ADGRV1: variants seen among roughly 807,000 people sequenced by gnomAD.
ADGRV1 encodes adhesion G protein-coupled receptor V1.
Under a neutral mutation model 596.2 loss-of-function variants are expected in ADGRV1, and 359 were observed. The observed-to-expected ratio is 0.60, with a 90% CI of 0.55 to 0.66. The LOEUF (loss-of-function observed/expected upper bound fraction) is 0.66, where lower values mean the gene tolerates loss of function less well. Ranked by LOEUF, ADGRV1 falls within the 30% of genes least tolerant of loss-of-function variation. The pLI is 0.00. For synonymous variants in ADGRV1, 2,681 were observed against 2,679.2 expected (o/e 1.00, Z -0.02); for missense variants, 7,274 against 7,575.6 (o/e 0.96, Z 1.48).
intron 42 of ADGRV1, among the ~76,000 whole-genome samples, chr5:90,715,452 C>T (rs1464068420): frequency 6.6e-6 from 1 of 152,168 alleles, no homozygotes; most frequent in African/African-American, 2.4e-5. Flanking sequence ...CCTGCATGGG[C>T]TGATGCTGTC....
At chr5:90,969,289 A>C (rs979431739) in intron 84 of ADGRV1, among the ~76,000 whole-genome samples, 6 of 152,226 alleles carry the variant, frequency 3.9e-5, no homozygotes, top group Non-Finnish European at 1.5e-5. Flanking sequence ...TGTTAAGATA[A>C]TATGTTGTGG....
rs529838629 is a variant in ADGRV1, at chr5:90,874,788, G to A, written c.17856+10931G>A. On this transcript the variant is annotated intron_variant, in intron 83 of 89. Coordinates refer to ENST00000405460, the MANE Select transcript of ADGRV1 (RefSeq NM_032119.4). ...CAGGCGAATGGCGTGAACCCAGGAG[G>A]CGGAGCTTGCAGTGAGTGGAGATCG... is the stretch of plus-strand genomic sequence containing the variant. 3.3e-5 allele frequency among the ~76,000 whole-genome samples: 5 copies of A among 152,092 alleles called. No individual in the cohort carries two copies. The South Asian group carries it at 1.0e-3, about 32-fold the overall frequency.
intron 83 of ADGRV1, among the ~76,000 whole-genome samples, chr5:90,887,878 T>TA (rs1281008509): frequency 6.6e-6 from 1 of 152,168 alleles, no homozygotes; most frequent in African/African-American, 2.4e-5. Flanking sequence ...AGCATTTTTG[T>TA]ACCACAGTTT....
chr5:90,637,975 G>C (rs1216966302), intron 11 of ADGRV1, 27 bp downstream of exon 11: 1 of 1,483,968 alleles, frequency 6.7e-7, no homozygotes, highest in Admixed American at 1.8e-5. Context: ...GTAATGTTTA[G>C]TATCATTTAT....
intron 83 of ADGRV1, among the ~76,000 whole-genome samples, chr5:90,956,098 T>C (rs1308540523): frequency 6.6e-6 from 1 of 152,174 alleles, no homozygotes; most frequent in Admixed American, 6.6e-5. Context: ...TTCCAGCTTA[T>C]ATGTATGCTT....
At chr5:91,070,593 G>A (rs999225745) in intron 85 of ADGRV1, among the ~76,000 whole-genome samples, 4 of 152,140 alleles carry the variant, frequency 2.6e-5, no homozygotes, top group African/African-American at 9.7e-5. Flanking sequence ...CCTGTTTAAC[G>A]TTCCTCCATT....
chr5:90,623,275 A>C (rs1417610985), intron 5 of ADGRV1, among the ~76,000 whole-genome samples: 1 of 152,248 alleles, frequency 6.6e-6, no homozygotes, highest in Admixed American at 6.5e-5. Flanking sequence ...AAATCATAGG[A>C]TAGAATAATA....
chr5:90,574,222 G>A (rs546087107), intron 1 of ADGRV1, among the ~76,000 whole-genome samples: 2 of 151,812 alleles, frequency 1.3e-5, no homozygotes, highest in Admixed American at 1.3e-4. Context: ...GATAGGAATC[G>A]CATTGAATCT....
chr5:90,712,507 A>G, intron 42 of ADGRV1, 79 bp downstream of exon 42: 2 of 1,078,472 alleles, frequency 1.9e-6, no homozygotes, highest in South Asian at 3.3e-5. Context: ...TAAAGGAATG[A>G]GAAAGTCTTG....
In ADGRV1 at chr5:90,870,947, C is replaced by T. The variant is rs369494245; in HGVS notation, c.17856+7090C>T. 7.9e-5 allele frequency among the ~76,000 whole-genome samples: 12 copies of T among 152,266 alleles called. No homozygotes were observed. The East Asian group carries it at 9.6e-4, about 12-fold the overall frequency. ...ATTTTTTAGGTCTAGGCAAGTGACT[C>T]CCTGCTAATGCACCTAACTTAATCA... On this transcript the variant is annotated intron_variant, in intron 83 of 89. Coordinates refer to ENST00000405460, the MANE Select transcript of ADGRV1 (RefSeq NM_032119.4).
chr5:91,105,112 A>C (rs565500291), intron 87 of ADGRV1, among the ~76,000 whole-genome samples: 4 of 151,686 alleles, frequency 2.6e-5, no homozygotes, highest in African/African-American at 9.7e-5. Context: ...CAAGCAATCC[A>C]CTCATCTTGG....
chr5:90,747,151 G>C (rs760156908), intron 52 of ADGRV1, among the ~76,000 whole-genome samples: 1 of 152,132 alleles, frequency 6.6e-6, no homozygotes, highest in Admixed American at 6.6e-5. Context: ...AAAGACTGGT[G>C]GGGGATGAGG....
At chr5:90,730,566 A>G (rs1752425198) in intron 50 of ADGRV1, among the ~76,000 whole-genome samples, 2 of 152,216 alleles carry the variant, frequency 1.3e-5, no homozygotes, top group Admixed American at 1.3e-4. Context: ...TCCACACATC[A>G]GAAACATAAG....
intron 83 of ADGRV1, among the ~76,000 whole-genome samples, chr5:90,905,638 T>C (rs1312821107): frequency 1.3e-5 from 2 of 152,132 alleles, no homozygotes; most frequent in Non-Finnish European, 2.9e-5. Context: ...TTATGGAGTC[T>C]CTAGGTTTTT....
chr5:90,627,961 C>CACACACACAA (rs1491307206), intron 7 of ADGRV1, 185 bp downstream of exon 7: 7 of 384,872 alleles, frequency 1.8e-5, no homozygotes, highest in Admixed American at 1.3e-4. Flanking sequence ...CACACACACA[C>CACACACACAA]AAGAATATGT....
At chr5:91,052,847 A>T (rs1305188027) in intron 85 of ADGRV1, among the ~76,000 whole-genome samples, 1 of 152,224 alleles carries the variant, frequency 6.6e-6, no homozygotes, top group African/African-American at 2.4e-5. Context: ...AGATTAAAAA[A>T]GTCAGGGAAT....
chr5:90,630,216 C>G (rs1434772689), intron 9 of ADGRV1: 1 of 152,110 alleles, frequency 6.6e-6, no homozygotes, highest in Non-Finnish European at 1.5e-5. Context: ...CCAGGCTGGT[C>G]TTAAACTCCT....
chr5:90,943,480 A>G (rs1201923656), intron 83 of ADGRV1, among the ~76,000 whole-genome samples: 1 of 151,750 alleles, frequency 6.6e-6, no homozygotes, highest in Non-Finnish European at 1.5e-5. Context: ...CCTTTACCTG[A>G]CCCTCACCTT....
intron 80 of ADGRV1, 25 bp downstream of exon 80, chr5:90,853,558 T>C (rs745920550): frequency 7.3e-5 from 117 of 1,594,724 alleles, no homozygotes; most frequent in African/African-American, 2.1e-4. Flanking sequence ...AAAACACTTA[T>C]GTGGTTGGAA....
Sources: gnomAD v4.1 joint callset for allele counts (sites outside exome capture counted in the v4.1 genomes callset) on GRCh38, gnomAD v4.1.1 for gene constraint, MANE v1.5 for transcripts, NCBI Gene and HGNC (gene_info 2026-07-23, HGNC 2026-07-21) for gene names.